Variants in TOX2 observed in about 807,000 individuals in gnomAD.
TOX2 encodes granulosa cell HMG box 1.
In TOX2, 15 loss-of-function variants were observed where a neutral mutation model predicts 47.4. The observed-to-expected ratio is 0.32, with a 90% confidence interval of 0.21 to 0.49. The LOEUF (loss-of-function observed/expected upper bound fraction) is 0.49. TOX2 is among the 20% of genes least tolerant of loss of function. TOX2 has a pLI of 0.99. For synonymous variants in TOX2, 290 were observed against 296.6 expected, an observed-to-expected ratio of 0.98 and a Z score of 0.23; for missense variants, 622 against 673.1, an observed-to-expected ratio of 0.92 and a Z score of 0.84.
intron 2 of TOX2, among the ~76,000 whole-genome samples, chr20:43,982,239 G>A (rs1244469054): frequency 6.6e-6 from 1 of 152,138 alleles, no homozygotes; most frequent in African/African-American, 2.4e-5. Flanking sequence ...CAAGAGCCAG[G>A]GGACTGCGGG....
intron 1 of TOX2, among the ~76,000 whole-genome samples, chr20:43,953,655 G>A (rs2069618936): frequency 6.6e-6 from 1 of 152,202 alleles, no homozygotes; most frequent in African/African-American, 2.4e-5. Context: ...GTTGGCGGGA[G>A]AGTAGAGGCC....
chr20:44,024,296 G>A (rs989514922), intron 3 of TOX2, among the ~76,000 whole-genome samples: 25 of 151,916 alleles, frequency 1.6e-4, no homozygotes, highest in African/African-American at 6.0e-4. Context: ...TTTACCCAGG[G>A]TTTATCCATC....
chr20:44,048,388 T>TATATATATATATATATATATA (rs1555845974), intron 3 of TOX2, among the ~76,000 whole-genome samples: 13 of 86,842 alleles, frequency 1.5e-4, no homozygotes, highest in African/African-American at 5.0e-4. Flanking sequence ...TAAAATGAAT[T>TATATATATATATATATATATA]TATATATATA....
intron 8 of TOX2, among the ~76,000 whole-genome samples, chr20:44,067,187 T>TTCCCTA (rs2071839943): frequency 6.6e-6 from 1 of 150,794 alleles, no homozygotes; most frequent in Non-Finnish European, 1.5e-5. Flanking sequence ...AAGCAGAGCC[T>TTCCCTA]GAGGCAGCAG....
intron 2 of TOX2, among the ~76,000 whole-genome samples, chr20:44,005,963 T>C (rs1458579507): frequency 6.6e-6 from 1 of 151,198 alleles, no homozygotes; most frequent in East Asian, 1.9e-4. Context: ...AAGGAAGGAC[T>C]GGAAAGGAAG....
chr20:43,969,804 C>T (rs890315257), intron 1 of TOX2, among the ~76,000 whole-genome samples: 1 of 152,208 alleles, frequency 6.6e-6, no homozygotes, highest in African/African-American at 2.4e-5. Context: ...TCAAGTGCCC[C>T]TTGAAAGCCA....
At chr20:44,009,946 C>T (rs1406431770) in intron 3 of TOX2, among the ~76,000 whole-genome samples, 1 of 152,178 alleles carries the variant, frequency 6.6e-6, no homozygotes, top group East Asian at 1.9e-4. Context: ...GAATTAGATC[C>T]TGGCTTCACC....
At chr20:43,931,444 C>A (rs1006146248) in intron 1 of TOX2, among the ~76,000 whole-genome samples, 2 of 152,198 alleles carry the variant, frequency 1.3e-5, no homozygotes, top group Non-Finnish European at 2.9e-5. Flanking sequence ...TAAACATACA[C>A]GTCTGTTAAA....
chr20:44,032,250 A>G (rs1184284478), intron 3 of TOX2, among the ~76,000 whole-genome samples: 1 of 152,162 alleles, frequency 6.6e-6, no homozygotes, highest in Non-Finnish European at 1.5e-5. Flanking sequence ...CTCACCTCCC[A>G]TGGTTTTCCA....
intron 1 of TOX2, among the ~76,000 whole-genome samples, chr20:43,933,805 G>A (rs1410045692): frequency 6.6e-6 from 1 of 152,138 alleles, no homozygotes; most frequent in African/African-American, 2.4e-5. Context: ...GCAGCTGTGG[G>A]CATCAGCACT....
At chr20:43,917,821 A>C (rs991169894) in intron 1 of TOX2, among the ~76,000 whole-genome samples, 4 of 152,218 alleles carry the variant, frequency 2.6e-5, no homozygotes, top group African/African-American at 9.6e-5. Flanking sequence ...GCATTAGAAA[A>C]ATAGCTTAAC....
At chr20:43,924,680 T>C (rs1173847812) in intron 1 of TOX2, among the ~76,000 whole-genome samples, 1 of 152,244 alleles carries the variant, frequency 6.6e-6, no homozygotes, top group Non-Finnish European at 1.5e-5. Context: ...TAACATAGGC[T>C]GCTGTGGTGT....
chr20:44,043,215 A>T (rs781591523), intron 3 of TOX2, among the ~76,000 whole-genome samples: 12 of 152,264 alleles, frequency 7.9e-5, no homozygotes, highest in African/African-American at 2.9e-4. Flanking sequence ...CAATTAAGTT[A>T]TGTAGGTACC....
chr20:43,928,665 C>T (rs950203529), intron 1 of TOX2, among the ~76,000 whole-genome samples: 1 of 152,222 alleles, frequency 6.6e-6, no homozygotes, highest in Non-Finnish European at 1.5e-5. Flanking sequence ...CCCTGTCATT[C>T]GCTTCTTTGT....
intron 1 of TOX2, among the ~76,000 whole-genome samples, chr20:43,940,039 G>T (rs559855694): frequency 6.6e-6 from 1 of 152,290 alleles, no homozygotes; most frequent in Admixed American, 6.5e-5. Context: ...CAGTCCAGGG[G>T]TGTATGGGGC....
chr20:43,955,871 A>C (rs1452878350), intron 1 of TOX2, among the ~76,000 whole-genome samples: 1 of 152,034 alleles, frequency 6.6e-6, no homozygotes, highest in Non-Finnish European at 1.5e-5. Context: ...TCTACAACCC[A>C]TTCTCCACCC....
chr20:43,928,430 G>C (rs1285301346), intron 1 of TOX2, among the ~76,000 whole-genome samples: 1 of 152,222 alleles, frequency 6.6e-6, no homozygotes, highest in Non-Finnish European at 1.5e-5. Context: ...CACAGTGCAG[G>C]TTTCCTGCAG....
chr20:44,003,677 G>A (rs2145591511), intron 2 of TOX2, among the ~76,000 whole-genome samples: 1 of 152,310 alleles, frequency 6.6e-6, no homozygotes, highest in Non-Finnish European at 1.5e-5. Context: ...CTACCCTGGA[G>A]TATCAGGGAA....
At chr20:44,047,386 T>C (rs1374507468) in intron 3 of TOX2, among the ~76,000 whole-genome samples, 1 of 152,192 alleles carries the variant, frequency 6.6e-6, no homozygotes, top group African/African-American at 2.4e-5. Flanking sequence ...TAGCTTAATT[T>C]GAAAACCTAT....
Sources: gnomAD v4.1 joint callset for allele counts (sites outside exome capture counted in the v4.1 genomes callset) on GRCh38, gnomAD v4.1.1 for gene constraint, MANE v1.5 for transcripts, NCBI Gene and HGNC (gene_info 2026-07-23, HGNC 2026-07-21) for gene names.